The following SCARA5 variants were observed in gnomAD, a reference collection of about 807,000 sequenced individuals.
The protein encoded by SCARA5 is scavenger receptor class A, member 5 (putative).
Under a neutral mutation model 46.3 loss-of-function variants are expected in SCARA5, and 45 were observed. The observed-to-expected ratio is 0.97, with a 90% CI of 0.76 to 1.24. The LOEUF is 1.24. SCARA5 is among the 50% of genes most tolerant of loss of function. The pLI, the probability that SCARA5 is intolerant of heterozygous loss-of-function variation, is 0.00. For missense variants in SCARA5, 680 were observed against 689.0 expected (o/e 0.99, Z 0.15); for synonymous variants, 333 against 306.5 (o/e 1.09, Z -0.90).
Position 27,955,596 on chromosome 8 carries a change from A to G in SCARA5, c.241+10818T>C, listed in dbSNP as rs1297742343. On this transcript the variant is annotated intron_variant, in intron 3 of 8. Coordinates refer to ENST00000354914, the MANE Select transcript of SCARA5 (RefSeq NM_173833.6). ...CAGCGAGGGGCCAGTAGGCTCTGCT[A>G]AAAACAGAGACAGACCAGGGAGGGC... Among the ~76,000 whole-genome samples, 4 of 152,218 alleles carry G rather than the reference A, an allele frequency of 2.6e-5. No individual in the cohort carries two copies. In the East Asian group the frequency reaches 5.8e-4, roughly 22 times the overall value.
chr8:27,920,679 G>A (rs1465137879), intron 4 of SCARA5, among the ~76,000 whole-genome samples: 8 of 151,288 alleles, frequency 5.3e-5, no homozygotes, highest in Non-Finnish European at 1.2e-4. Context: ...GGGCATGGCA[G>A]TGTGCACCTG....
Position 27,948,712 on chromosome 8 carries a change from C to T in SCARA5, c.241+17702G>A, listed in dbSNP as rs28694775. 4.7e-3 allele frequency among the ~76,000 whole-genome samples: 720 copies of T among 152,308 alleles called. 5 individuals carry two copies. Among genetic ancestry groups the T allele is most frequent in the African/African-American group, 0.016 (674 of 41,564 alleles). On this transcript the variant is annotated intron_variant, in intron 3 of 8. Coordinates refer to ENST00000354914, the MANE Select transcript of SCARA5 (RefSeq NM_173833.6). The stretch of plus-strand genomic sequence containing the variant: ...GCGCAGGAAGCCTAGCTGTGGGACT[C>T]GCTCCAAGACTGAAAGGGGAGGAAA...
chr8:27,946,595 G>A (rs1183996109), intron 3 of SCARA5, among the ~76,000 whole-genome samples: 1 of 152,198 alleles, frequency 6.6e-6, no homozygotes, highest in African/African-American at 2.4e-5. Context: ...TTTTGTTATG[G>A]CAGCCTCAGC....
chr8:27,913,843 G>A (rs983291968), intron 4 of SCARA5, among the ~76,000 whole-genome samples: 9 of 152,142 alleles, frequency 5.9e-5, no homozygotes, highest in Middle Eastern at 3.2e-3. Context: ...CTTACAGCTC[G>A]GTGCTCATGG....
intron 2 of SCARA5, among the ~76,000 whole-genome samples, chr8:27,980,964 G>T (rs868811360): frequency 2.0e-5 from 3 of 152,148 alleles, no homozygotes; most frequent in Non-Finnish European, 2.9e-5. Context: ...TTTCCTGGGA[G>T]TCCCTGGGTG....
intron 3 of SCARA5, among the ~76,000 whole-genome samples, chr8:27,926,148 G>A (rs1235614596): frequency 6.6e-6 from 1 of 152,170 alleles, no homozygotes; most frequent in Non-Finnish European, 1.5e-5. Context: ...ACATGCACAT[G>A]TATGTTTATT....
intron 3 of SCARA5, among the ~76,000 whole-genome samples, chr8:27,965,867 A>G (rs1322718440): frequency 6.6e-6 from 1 of 152,182 alleles, no homozygotes; most frequent in Non-Finnish European, 1.5e-5. Context: ...TCCCTTCTTG[A>G]GTCCATGAGC....
At chr8:27,892,885 C>T (rs1259745819) in intron 7 of SCARA5, among the ~76,000 whole-genome samples, 1 of 152,192 alleles carries the variant, frequency 6.6e-6, no homozygotes, top group Non-Finnish European at 1.5e-5. Flanking sequence ...GGATTACAGG[C>T]GTGAGCCACC....
At chr8:27,909,844 G>A in intron 4 of SCARA5, 101 bp from the exon 5 acceptor site, 2 of 704,162 alleles carry the variant, frequency 2.8e-6, no homozygotes, top group Non-Finnish European at 4.7e-6. Flanking sequence ...GGAGAGGAAG[G>A]GGCAGCATTA....
chr8:27,873,043 G>GA (rs1383266153), intron 8 of SCARA5, among the ~76,000 whole-genome samples: 2 of 152,222 alleles, frequency 1.3e-5, no homozygotes, highest in Non-Finnish European at 2.9e-5. Context: ...GCAGAGGCTA[G>GA]AACCCTGTCA....
At chr8:27,891,426 G>A (rs1177872960) in intron 7 of SCARA5, among the ~76,000 whole-genome samples, 3 of 152,026 alleles carry the variant, frequency 2.0e-5, no homozygotes, top group East Asian at 3.9e-4. Context: ...GGATGGTCTC[G>A]ATCTCTTGAC....
intron 3 of SCARA5, among the ~76,000 whole-genome samples, chr8:27,934,333 C>T (rs1324972733): frequency 6.6e-6 from 1 of 152,158 alleles, no homozygotes; most frequent in Non-Finnish European, 1.5e-5. Flanking sequence ...GCAAATGCGG[C>T]CTTGAATCAG....
intron 3 of SCARA5, among the ~76,000 whole-genome samples, chr8:27,958,887 G>T (rs971624383): frequency 4.6e-5 from 7 of 152,158 alleles, no homozygotes; most frequent in Admixed American, 3.9e-4. Flanking sequence ...GGGCTGCATG[G>T]TATTCCATCA....
intron 3 of SCARA5, among the ~76,000 whole-genome samples, chr8:27,940,688 A>C (rs1227817270): frequency 8.8e-6 from 1 of 114,030 alleles, no homozygotes; most frequent in Non-Finnish European, 1.7e-5. Flanking sequence ...CCATCTGTCC[A>C]TCTATCCACC....
chr8:27,984,880 CATTT>C (rs1380458512), intron 2 of SCARA5, among the ~76,000 whole-genome samples: 1 of 152,150 alleles, frequency 6.6e-6, no homozygotes, highest in Non-Finnish European at 1.5e-5. Context: ...TCCATTCATT[CATTT>C]ACTCATTCAT....
At chr8:27,893,886 A>C (rs978271003) in intron 7 of SCARA5, among the ~76,000 whole-genome samples, 1 of 152,224 alleles carries the variant, frequency 6.6e-6, no homozygotes, top group African/African-American at 2.4e-5. Flanking sequence ...CAGCGGGTTT[A>C]GGAGGACTGT....
intron 7 of SCARA5, among the ~76,000 whole-genome samples, chr8:27,893,037 G>A (rs564235219): frequency 6.6e-6 from 1 of 152,306 alleles, no homozygotes; most frequent in African/African-American, 2.4e-5. Context: ...CCTCCCAGCA[G>A]CGTGTGGGTC....
At chr8:27,917,558 T>C (rs1281558436) in intron 4 of SCARA5, among the ~76,000 whole-genome samples, 1 of 151,596 alleles carries the variant, frequency 6.6e-6, no homozygotes, top group Non-Finnish European at 1.5e-5. Flanking sequence ...ACAACCAGGG[T>C]TTCTGGACCA....
At chr8:27,963,627 C>T (rs1448654944) in intron 3 of SCARA5, among the ~76,000 whole-genome samples, 1 of 152,102 alleles carries the variant, frequency 6.6e-6, no homozygotes, top group Non-Finnish European at 1.5e-5. Flanking sequence ...CCGGATTAAC[C>T]TTCAAACAGG....
Sources: gnomAD v4.1 joint callset for allele counts (sites outside exome capture counted in the v4.1 genomes callset) on GRCh38, gnomAD v4.1.1 for gene constraint, MANE v1.5 for transcripts, NCBI Gene and HGNC (gene_info 2026-07-23, HGNC 2026-07-21) for gene names.